Variants in GINS3 observed in about 807,000 individuals in gnomAD.
The protein encoded by GINS3 is DNA replication complex GINS protein PSF3.
GINS3 carries 18 observed loss-of-function variants against 20.0 expected under a neutral mutation model. That is an observed-to-expected ratio of 0.90 (90% confidence interval 0.62 to 1.33). GINS3 has a LOEUF of 1.33. Among genes scored for constraint, GINS3 ranks in the 40% most tolerant of loss-of-function variants. The pLI is 0.00. For synonymous variants in GINS3, 109 were observed against 107.0 expected, an observed-to-expected ratio of 1.02 and a Z score of -0.12; for missense variants, 254 against 273.6, an observed-to-expected ratio of 0.93 and a Z score of 0.51.
chr16:58,392,784 A>C lies in GINS3; in HGVS notation c.183A>C (p.Pro61=). ...GCGCCGAGACTGACAACGCGGTCCC[A>C]CAGGTGAGCCTTTGGGTGCGGGGTC... ...SAGAETDNAV[P]QGSKLELPLW... The change falls in exon 1 of 3, where the codon CCA becomes CCC. Residue 61 remains proline (P), a synonymous_variant. Transcript: ENST00000318129. 2 of 1,603,068 alleles carry C rather than the reference A, an allele frequency of 1.2e-6. No individual in the cohort carries two copies. Among genetic ancestry groups the C allele is most frequent in the Non-Finnish European group, 1.7e-6 (2 of 1,176,330 alleles).
intron 1 of GINS3, among the ~76,000 whole-genome samples, chr16:58,397,776 C>T (rs553323943): frequency 3.3e-5 from 5 of 151,968 alleles, no homozygotes; most frequent in Non-Finnish European, 5.9e-5. Context: ...AGCTTCGGCT[C>T]GGCATCAGAG....
intron 1 of GINS3, among the ~76,000 whole-genome samples, chr16:58,397,323 G>A (rs1159473302): frequency 1.3e-5 from 2 of 150,250 alleles, no homozygotes; most frequent in Non-Finnish European, 3.0e-5. Flanking sequence ...CTTCCTAGAT[G>A]GGATGGCGGC....
At position 58,392,737 on chromosome 16, in the gene GINS3, T is replaced by G; in HGVS notation, c.136T>G (p.Phe46Val). The G allele has an allele frequency of 1.2e-6, 2 of 1,613,954 alleles. No individual in the cohort carries two copies. The highest frequency in any genetic ancestry group is 1.7e-6 in the Non-Finnish European group (2 of 1,180,008). ...GACCGCCATGCCTCGCCTTGGCGCT[T>G]TCTTCCTGGAGCGGAGCGCAGGCGC... ...TETAMPRLGA[F>V]FLERSAGAET... is the part of the protein sequence containing the mutation. The change falls in exon 1 of 3, where the codon TTC becomes GTC. Residue 46 changes from phenylalanine to valine, a missense_variant. Transcript: ENST00000318129.
Position 58,404,521 on chromosome 16 carries a change from G to A in GINS3, c.443G>A (p.Arg148His), listed in dbSNP as rs373413916. 1.5e-5 allele frequency: 24 copies of A among 1,613,908 alleles called. No individual in the cohort carries two copies. The highest frequency in any genetic ancestry group is 6.7e-5 in the East Asian group (3 of 44,882). ...CAGACTTTTATCGGACGTTTTCGCC[G>A]CATCATGGACTCCTCACAGAATGCT... ...LLQTFIGRFR[R>H]IMDSSQNAYN... Residue 148 changes from arginine (R) to histidine (H), a missense_variant, in exon 3 of 3, where the codon CGC (arginine) becomes CAC (histidine). Arg to His is a conservative substitution (Grantham distance 29, BLOSUM62 0). Transcript: ENST00000318129.
chr16:58,395,357 T>G, intron 1 of GINS3: 6 of 189,686 alleles, frequency 3.2e-5, no homozygotes, highest in Admixed American at 6.1e-5. Flanking sequence ...TAATTGATCA[T>G]TCTTGGGTGT....
In GINS3 at chr16:58,405,981, ATTG is replaced by A. The variant is rs755751069; in HGVS notation, c.*1258_*1260del. 3 of 152,190 alleles carry A rather than the reference ATTG, an allele frequency of 2.0e-5. No homozygotes were observed. The highest frequency in any genetic ancestry group is 2.9e-5 in the Non-Finnish European group (2 of 68,040). The allele number at this position is 152,190 out of a possible 1,614,324, so 9.4% of individuals were successfully genotyped here. A position where few individuals can be genotyped will look rare whatever the true frequency, so the allele number is the denominator to read the frequency against. ...TTTAAAATGCCTGTTTTAAGATGGA[ATTG>A]TTGTTTTTATAATTTGATTTTAGTG... On this transcript the variant is annotated 3_prime_UTR_variant, in exon 3 of 3. Transcript: ENST00000318129.
At chr16:58,397,538 A>C (rs62042603) in intron 1 of GINS3, among the ~76,000 whole-genome samples, 2,493 of 152,112 alleles carry the variant, frequency 0.016, 30 homozygotes, top group Middle Eastern at 0.051. Flanking sequence ...AGTGAACGTG[A>C]CTCCGTCTGC....
intron 2 of GINS3, chr16:58,403,961 A>C (rs1965991797): frequency 6.3e-6 from 1 of 158,966 alleles, no homozygotes; most frequent in Admixed American, 5.9e-5. Flanking sequence ...GAATTGATGG[A>C]GATGATAATA....
chr16:58,392,852 G>C (rs1466503650), intron 1 of GINS3, 65 bp downstream of exon 1: 3 of 1,454,606 alleles, frequency 2.1e-6, no homozygotes, highest in African/African-American at 1.4e-5. Flanking sequence ...CCTCGGCCCT[G>C]GGACGCCGCA....
At chr16:58,395,960 GC>G (rs1965849562) in intron 1 of GINS3, among the ~76,000 whole-genome samples, 1 of 149,982 alleles carries the variant, frequency 6.7e-6, no homozygotes, top group South Asian at 2.1e-4. Context: ...TGGGCGGGGG[GC>G]TGGCCCCCCC....
At chr16:58,396,417 G>T (rs1363389419) in intron 1 of GINS3, among the ~76,000 whole-genome samples, 1 of 112,770 alleles carries the variant, frequency 8.9e-6, no homozygotes, top group African/African-American at 3.8e-5. Context: ...CCTCCCGGAC[G>T]GGGCGGCTGG....
At position 58,404,599 on chromosome 16, in the gene GINS3, G is replaced by T. The variant is rs1966003195; in HGVS notation, c.521G>T (p.Gly174Val). 1 of 1,614,136 alleles carries T rather than the reference G, an allele frequency of 6.2e-7. No individual in the cohort carries two copies. The highest frequency in any genetic ancestry group is 8.5e-7 in the Non-Finnish European group (1 of 1,180,000). The change falls in exon 3 of 3, where the codon GGC becomes GTC. Residue 174 changes from glycine (G) to valine (V), a missense_variant. Coordinates refer to ENST00000318129, the MANE Select transcript of GINS3 (RefSeq NM_022770.4). ...LVARLDEMER[G>V]LFQTGQKGLN... The stretch of plus-strand genomic sequence containing the variant: ...GCCAGGCTAGACGAGATGGAGAGGG[G>T]CTTATTTCAAACAGGGCAGAAAGGA...
rs2151495933 is a variant in GINS3, at chr16:58,404,481, T to C, written c.421-18T>C. 1 of 1,578,004 alleles carries C rather than the reference T, an allele frequency of 6.3e-7. No homozygotes were observed. Among genetic ancestry groups the C allele is most frequent in the South Asian group, 1.1e-5 (1 of 90,242 alleles). On this transcript the variant is annotated intron_variant, in intron 2 of 2. Coordinates refer to ENST00000318129, the MANE Select transcript of GINS3 (RefSeq NM_022770.4). The stretch of plus-strand genomic sequence containing the variant: ...GTGTGAGGTCAACCCTGACTTGTCT[T>C]ACTCCCTTGTTTCCCAGACTTTTAT...
At chr16:58,397,534 C>T (rs560182759) in intron 1 of GINS3, among the ~76,000 whole-genome samples, 1 of 152,176 alleles carries the variant, frequency 6.6e-6, no homozygotes, top group Non-Finnish European at 1.5e-5. Flanking sequence ...ACTGAGTGAA[C>T]GTGACTCCGT....
rs1966012977 is a variant in GINS3, at chr16:58,405,136, A to G, written c.*407A>G. On this transcript the variant is annotated 3_prime_UTR_variant, in exon 3 of 3. Coordinates refer to ENST00000318129, the MANE Select transcript of GINS3 (RefSeq NM_022770.4). Reference sequence around the variant, plus strand: ...GTACAAACTGGGTCATCGCCTGTTCACAAAATGCTCTCTTGATCTTATTTG... The same window carrying G: ...GTACAAACTGGGTCATCGCCTGTTCGCAAAATGCTCTCTTGATCTTATTTG... 1.1e-5 allele frequency: 2 copies of G among 185,020 alleles called. No individual in the cohort carries two copies. Among genetic ancestry groups the G allele is most frequent in the African/African-American group, 2.4e-5 (1 of 42,460 alleles). 11.5% of individuals were successfully genotyped at this position (185,020 alleles called of 1,614,324 possible).
intron 1 of GINS3, among the ~76,000 whole-genome samples, chr16:58,396,289 C>T (rs1206733445): frequency 5.3e-5 from 7 of 130,966 alleles, no homozygotes; most frequent in Non-Finnish European, 9.8e-5. Flanking sequence ...CCCTCCCGGA[C>T]GGGGCGGCTG....
chr16:58,395,138 GTGA>G, intron 1 of GINS3: 1 of 505,720 alleles, frequency 2.0e-6, no homozygotes, highest in Non-Finnish European at 3.4e-6. Flanking sequence ...GTGCAGTGGT[GTGA>G]TATGGCTCAC....
intron 1 of GINS3, among the ~76,000 whole-genome samples, chr16:58,399,948 C>A (rs1300914628): frequency 6.6e-6 from 1 of 152,120 alleles, no homozygotes; most frequent in African/African-American, 2.4e-5. Flanking sequence ...CATTGAAAAC[C>A]CCTGTAAAAC....
At chr16:58,402,957 C>T (rs913797450) in intron 1 of GINS3, 141 bp from the exon 2 acceptor site, 24 of 642,958 alleles carry the variant, frequency 3.7e-5, no homozygotes, top group East Asian at 2.7e-4. Context: ...CTTCGAGTCA[C>T]GACCAGGTCT....
Sources: gnomAD v4.1 joint callset for allele counts (sites outside exome capture counted in the v4.1 genomes callset) on GRCh38, gnomAD v4.1.1 for gene constraint, MANE v1.5 for transcripts, NCBI Gene and HGNC (gene_info 2026-07-23, HGNC 2026-07-21) for gene names.